CACNA2D1: variants seen among roughly 807,000 people sequenced by gnomAD.
CACNA2D1 encodes voltage-dependent calcium channel subunit alpha-2/delta-1.
In CACNA2D1, 53 loss-of-function variants were observed where a neutral mutation model predicts 171.5. The observed-to-expected ratio is 0.31, with a 90% CI of 0.25 to 0.39. The LOEUF (loss-of-function observed/expected upper bound fraction) is 0.39. Among genes scored for constraint, CACNA2D1 ranks in the 10% least tolerant of loss-of-function variants. The pLI is 1.00. For synonymous variants in CACNA2D1, 442 were observed against 443.1 expected (o/e 1.00, Z 0.03); for missense variants, 903 against 1,299.8 (o/e 0.69, Z 4.69).
At chr7:82,153,612 AATC>A (rs1794070886) in intron 4 of CACNA2D1, among the ~76,000 whole-genome samples, 1 of 152,094 alleles carries the variant, frequency 6.6e-6, no homozygotes, top group Non-Finnish European at 1.5e-5. Context: ...TATTTGTGAC[AATC>A]ATCATGACTA....
chr7:81,966,167 T>C (rs1381220916), intron 31 of CACNA2D1, among the ~76,000 whole-genome samples: 1 of 146,614 alleles, frequency 6.8e-6, no homozygotes, highest in African/African-American at 2.5e-5. Context: ...ATTGGAGATT[T>C]AAAAGCAAAA....
chr7:82,287,612 T>C (rs1810970322), intron 3 of CACNA2D1, among the ~76,000 whole-genome samples: 4 of 152,206 alleles, frequency 2.6e-5, no homozygotes, highest in Admixed American at 1.3e-4. Context: ...TCTCAAATGA[T>C]AGCATTATGA....
At chr7:82,106,537 A>G (rs1787783617) in intron 6 of CACNA2D1, among the ~76,000 whole-genome samples, 2 of 151,920 alleles carry the variant, frequency 1.3e-5, no homozygotes, top group Admixed American at 6.6e-5. Flanking sequence ...TTTTTTTTAA[A>G]CAGTAAATTT....
chr7:82,391,043 A>C (rs1487677501), intron 1 of CACNA2D1, among the ~76,000 whole-genome samples: 1 of 152,066 alleles, frequency 6.6e-6, no homozygotes, highest in African/African-American at 2.4e-5. Context: ...AAAAGGCCAA[A>C]ACTCTGCCAA....
At chr7:82,084,281 A>G (rs541220969) in intron 7 of CACNA2D1, among the ~76,000 whole-genome samples, 1 of 152,214 alleles carries the variant, frequency 6.6e-6, no homozygotes, top group East Asian at 1.9e-4. Context: ...AACCTGACAC[A>G]TAAGAAAAAC....
chr7:81,963,409 G>GT (rs1794371052), intron 34 of CACNA2D1, among the ~76,000 whole-genome samples: 2 of 151,814 alleles, frequency 1.3e-5, no homozygotes, highest in South Asian at 4.1e-4. Flanking sequence ...GATTCCAGAC[G>GT]TAACAGGAGG....
At chr7:82,086,034 G>C (rs910816800) in intron 6 of CACNA2D1, among the ~76,000 whole-genome samples, 1 of 152,080 alleles carries the variant, frequency 6.6e-6, no homozygotes, top group Non-Finnish European at 1.5e-5. Context: ...TGTCCCCAGA[G>C]ATTAGCAGAC....
intron 5 of CACNA2D1, among the ~76,000 whole-genome samples, chr7:82,118,479 T>C (rs549417553): frequency 2.0e-5 from 3 of 152,140 alleles, no homozygotes; most frequent in Non-Finnish European, 4.4e-5. Flanking sequence ...GATGTATACA[T>C]AGCAAGTGTT....
intron 3 of CACNA2D1, among the ~76,000 whole-genome samples, chr7:82,213,090 G>A (rs1800740241): frequency 6.6e-6 from 1 of 152,018 alleles, no homozygotes; most frequent in Non-Finnish European, 1.5e-5. Context: ...TAGTAGAGAC[G>A]GGGTTTCACC....
intron 1 of CACNA2D1, among the ~76,000 whole-genome samples, chr7:82,392,420 A>C (rs4728506): frequency 0.012 from 1,760 of 152,238 alleles, 60 homozygotes; most frequent in East Asian, 0.07. Context: ...CAGTTGTCGG[A>C]GTAACCTCAT....
At chr7:82,087,846 G>C (rs1810657198) in intron 6 of CACNA2D1, among the ~76,000 whole-genome samples, 1 of 152,104 alleles carries the variant, frequency 6.6e-6, no homozygotes, top group South Asian at 2.1e-4. Flanking sequence ...TGAAATAAAA[G>C]GGTAATCTGT....
chr7:82,117,364 T>C (rs1789186744), intron 5 of CACNA2D1, among the ~76,000 whole-genome samples, 191 bp from the exon 6 acceptor site: 1 of 152,208 alleles, frequency 6.6e-6, no homozygotes, highest in African/African-American at 2.4e-5. Flanking sequence ...TATATCTTTA[T>C]TGTATTATTC....
intron 3 of CACNA2D1, among the ~76,000 whole-genome samples, chr7:82,333,144 G>C (rs148831713): frequency 0.018 from 2,697 of 152,184 alleles, 82 homozygotes; most frequent in African/African-American, 0.062. Flanking sequence ...TTTATAAATA[G>C]AAAGACAAAA....
At chr7:82,145,537 ATGTG>A (rs199850543) in intron 4 of CACNA2D1, among the ~76,000 whole-genome samples, 2 of 144,016 alleles carry the variant, frequency 1.4e-5, no homozygotes, top group African/African-American at 5.0e-5. Flanking sequence ...TATATACAGA[ATGTG>A]TGTGTATATA....
chr7:82,110,848 ATCATTAACCTC>A (rs1202845420), intron 6 of CACNA2D1, among the ~76,000 whole-genome samples: 10 of 152,136 alleles, frequency 6.6e-5, no homozygotes, highest in African/African-American at 2.4e-4. Context: ...CCCAGGCACT[ATCATTAACCTC>A]TTCTCTATTT....
intron 3 of CACNA2D1, among the ~76,000 whole-genome samples, chr7:82,203,564 C>T (rs2129209945): frequency 6.6e-6 from 1 of 152,298 alleles, no homozygotes; most frequent in East Asian, 1.9e-4. Context: ...CTGAGACCAC[C>T]TTCCAGGCAG....
At chr7:82,059,542 G>A (rs545598569) in intron 10 of CACNA2D1, among the ~76,000 whole-genome samples, 6 of 152,102 alleles carry the variant, frequency 3.9e-5, no homozygotes, top group Admixed American at 6.6e-5. Flanking sequence ...GAGTTTCAAC[G>A]GTGTCCGTGA....
chr7:82,341,000 A>G (rs1818560098), intron 2 of CACNA2D1, among the ~76,000 whole-genome samples: 1 of 152,176 alleles, frequency 6.6e-6, no homozygotes, highest in Admixed American at 6.5e-5. Flanking sequence ...GCTGCTTCAG[A>G]TACCCACAAA....
intron 3 of CACNA2D1, among the ~76,000 whole-genome samples, chr7:82,312,567 T>C (rs1176227987): frequency 1.3e-5 from 2 of 150,090 alleles, no homozygotes; most frequent in South Asian, 4.2e-4. Flanking sequence ...TAGGCTGGAA[T>C]GTGCAGTGGC....
Sources: allele counts gnomAD v4.1 joint callset (sites outside exome capture counted in the v4.1 genomes callset), GRCh38; gene constraint gnomAD v4.1.1; transcripts MANE v1.5; gene names NCBI Gene and HGNC (gene_info 2026-07-23, HGNC 2026-07-21).